The following ITPR2 variants were observed in gnomAD, a reference collection of about 807,000 sequenced individuals.
ITPR2 encodes inositol 1,4,5-trisphosphate receptor type 2.
ITPR2 carries 207 observed loss-of-function variants against 317.1 expected under a neutral mutation model. The ratio of observed to expected loss-of-function variants is 0.65; its 90% CI spans 0.58 to 0.73. The LOEUF is 0.73. Ranked by LOEUF, ITPR2 falls within the 30% of genes least tolerant of loss-of-function variation. ITPR2 has a pLI of 0.00. For synonymous variants in ITPR2, 1,156 were observed against 1,149.1 expected, an observed-to-expected ratio of 1.01 and a Z score of -0.12; for missense variants, 2,613 against 3,284.0, an observed-to-expected ratio of 0.80 and a Z score of 4.99.
intron 2 of ITPR2, among the ~76,000 whole-genome samples, chr12:26,786,473 G>C (rs1011895539): frequency 7.4e-6 from 1 of 134,564 alleles, no homozygotes; most frequent in African/African-American, 3.0e-5. Flanking sequence ...AAAAAAAATG[G>C]AGAATATTTG....
At chr12:26,474,600 C>T (rs1015197718) in intron 45 of ITPR2, among the ~76,000 whole-genome samples, 5 of 151,306 alleles carry the variant, frequency 3.3e-5, no homozygotes, top group South Asian at 2.1e-4. Context: ...GAGACCATCC[C>T]GGCTAAAGCG....
Position 26,679,509 on chromosome 12 carries a change from C to A in ITPR2, c.1409+2365G>T, listed in dbSNP as rs897246503. Among the ~76,000 whole-genome samples, 5 of 152,124 alleles carry A rather than the reference C, an allele frequency of 3.3e-5. No homozygotes were observed. In the East Asian group the frequency reaches 9.6e-4, roughly 29 times the overall value. On this transcript the variant is annotated intron_variant, in intron 13 of 56. Coordinates refer to ENST00000381340, the MANE Select transcript of ITPR2 (RefSeq NM_002223.4). ...CCTTCAGGGAGCATAATTCCTCCCT[C>A]CCCTCTAAGAAGAAACACCATCCTG...
chr12:26,716,152 A>C lies in ITPR2; in HGVS notation c.616T>G (p.Cys206Gly). 1 of 1,610,564 alleles carries C rather than the reference A, an allele frequency of 6.2e-7. No homozygotes were observed. The change falls in exon 6 of 57, where the codon TGT becomes GGT. Residue 206 changes from cysteine (C) to glycine (G), a missense_variant. This residue lies in a region of ITPR2 where 515 missense variants were observed against 789.4 expected (regional missense o/e 0.65). Transcript: ENST00000381340. ...TTTCCACTTGAACTTACCTCTTTAC[A>C]CCCTGGGTTATCAAGAAGCTCTATG... is the stretch of plus-strand genomic sequence containing the variant. ...SNIELLDNPGCKEVNAVNCNT... is the reference protein window; with the variant it reads ...SNIELLDNPGGKEVNAVNCNT...
chr12:26,520,452 T>G (rs75739260), intron 37 of ITPR2, among the ~76,000 whole-genome samples: 2,944 of 152,316 alleles, frequency 0.019, 53 homozygotes, highest in African/African-American at 0.046. Flanking sequence ...GGCAAGGGTG[T>G]TTCCTGCTCA....
At chr12:26,598,846 A>C (rs1055356133) in intron 30 of ITPR2, among the ~76,000 whole-genome samples, 2 of 152,206 alleles carry the variant, frequency 1.3e-5, no homozygotes, top group Non-Finnish European at 2.9e-5. Flanking sequence ...TAAAAATATA[A>C]AATTTTGTCA....
intron 52 of ITPR2, among the ~76,000 whole-genome samples, chr12:26,405,644 T>G (rs1189059800): frequency 6.6e-6 from 1 of 152,194 alleles, no homozygotes; most frequent in African/African-American, 2.4e-5. Context: ...ATAATTAAAT[T>G]CAGTGTTTGT....
At chr12:26,585,459 T>C (rs1008676552) in intron 32 of ITPR2, among the ~76,000 whole-genome samples, 1 of 152,168 alleles carries the variant, frequency 6.6e-6, no homozygotes, top group Non-Finnish European at 1.5e-5. Context: ...CAGGTTGGAG[T>C]GCAGCGGTGC....
At chr12:26,630,785 G>A (rs989612232) in intron 22 of ITPR2, 9 of 152,132 alleles carry the variant, frequency 5.9e-5, no homozygotes, top group Non-Finnish European at 1.0e-4. Context: ...ATGAGGTCAC[G>A]TATTTTAGAG....
chr12:26,721,601 C>A (rs576983984), intron 5 of ITPR2, among the ~76,000 whole-genome samples: 4 of 152,192 alleles, frequency 2.6e-5, no homozygotes, highest in African/African-American at 9.6e-5. Flanking sequence ...GCAGCATTTC[C>A]TGAGCATCGT....
chr12:26,438,863 T>C (rs781169184), intron 47 of ITPR2, among the ~76,000 whole-genome samples: 14 of 152,214 alleles, frequency 9.2e-5, no homozygotes, highest in Non-Finnish European at 1.8e-4. Context: ...GCTTCAACCC[T>C]GCATTTCATA....
At chr12:26,616,033 C>T (rs2136787237) in intron 26 of ITPR2, among the ~76,000 whole-genome samples, 1 of 152,018 alleles carries the variant, frequency 6.6e-6, no homozygotes, top group South Asian at 2.1e-4. Flanking sequence ...GAAATGATAT[C>T]ATAATAACTA....
chr12:26,796,296 A>C (rs1388878981), intron 1 of ITPR2, among the ~76,000 whole-genome samples: 1 of 152,234 alleles, frequency 6.6e-6, no homozygotes, highest in Non-Finnish European at 1.5e-5. Flanking sequence ...CAAACAGAAA[A>C]ATGCAAAATA....
intron 23 of ITPR2, among the ~76,000 whole-genome samples, chr12:26,626,334 T>A (rs1259868417): frequency 6.6e-6 from 1 of 152,024 alleles, no homozygotes; most frequent in Non-Finnish European, 1.5e-5. Context: ...AGAAACACAG[T>A]AAGATATAAA....
Position 26,711,221 on chromosome 12 carries a change from G to GC in ITPR2, c.902dup (p.Ser301ArgfsTer6). On this transcript the variant is annotated frameshift_variant, in exon 9 of 57. Transcript: ENST00000381340. LOFTEE classifies it high-confidence loss of function. Reference sequence around the variant, plus strand: ...TTGCAAGATGCTTAAATCTGAACAAGCTGTTCCACTGTCCTGCACCCCCAC... The same window carrying GC: ...TTGCAAGATGCTTAAATCTGAACAAGCCTGTTCCACTGTCCTGCACCCCCAC... 6.2e-7 allele frequency: 1 copy of GC among 1,613,854 alleles called. No homozygotes were observed.
At chr12:26,504,013 G>C (rs1943131016) in intron 37 of ITPR2, among the ~76,000 whole-genome samples, 1 of 152,164 alleles carries the variant, frequency 6.6e-6, no homozygotes, top group Admixed American at 6.5e-5. Flanking sequence ...AAGCCAATTT[G>C]ATCAGTATGC....
chr12:26,400,225 G>A lies in ITPR2; in HGVS notation c.7433C>T (p.Thr2478Met), dbSNP rs199757095. 4.5e-5 allele frequency: 72 copies of A among 1,592,486 alleles called. No homozygotes were observed. Among genetic ancestry groups the A allele is most frequent in the South Asian group, 4.4e-4 (38 of 87,200 alleles). The part of the protein sequence containing the change: ...DEEYEDGIER[T>M]CDTLLMCIVT... The stretch of plus-strand genomic sequence containing the variant: ...AATGCACATAAGGAGAGTGTCACAC[G>A]TCCTTTCAATTCCATCTTCATACTC... The change falls in exon 53 of 57, where the codon ACG (threonine) becomes ATG (methionine). Residue 2478 changes from threonine to methionine, a missense_variant. Transcript: ENST00000381340.
chr12:26,783,438 G>A (rs1008814451), intron 2 of ITPR2, among the ~76,000 whole-genome samples: 1 of 152,086 alleles, frequency 6.6e-6, no homozygotes, highest in African/African-American at 2.4e-5. Flanking sequence ...CATTACTTCC[G>A]TGTTTTATCA....
chr12:26,717,578 T>C (rs946268930), intron 5 of ITPR2, among the ~76,000 whole-genome samples: 3 of 152,170 alleles, frequency 2.0e-5, no homozygotes, highest in Non-Finnish European at 4.4e-5. Flanking sequence ...CTATATACAG[T>C]TAAGGAAAGA....
intron 9 of ITPR2, among the ~76,000 whole-genome samples, chr12:26,703,784 AAC>A (rs1388478473): frequency 3.4e-4 from 52 of 152,344 alleles, no homozygotes; most frequent in African/African-American, 1.2e-3. Context: ...TCAATCATCC[AAC>A]AGTTACTGAA....
Sources: gnomAD v4.1 joint callset for allele counts (sites outside exome capture counted in the v4.1 genomes callset) on GRCh38, gnomAD v4.1.1 for gene constraint, gnomAD v4.1.1 regional missense constraint, MANE v1.5 for transcripts, NCBI Gene and HGNC (gene_info 2026-07-23, HGNC 2026-07-21) for gene names.